The following CAMTA1 variants were observed in gnomAD, a reference collection of about 807,000 sequenced individuals.
CAMTA1 encodes calmodulin-binding transcription activator 1.
In CAMTA1, 27 loss-of-function variants were observed where a neutral mutation model predicts 170.9. The observed-to-expected ratio is 0.16, with a 90% CI of 0.12 to 0.22. The LOEUF is 0.22. Ranked by LOEUF, CAMTA1 falls within the 10% of genes least tolerant of loss-of-function variation. The pLI, the probability that CAMTA1 is intolerant of heterozygous loss-of-function variation, is 1.00. For synonymous variants in CAMTA1, 833 were observed against 891.5 expected, an observed-to-expected ratio of 0.93 and a Z score of 1.17; for missense variants, 1,619 against 2,217.2, an observed-to-expected ratio of 0.73 and a Z score of 5.42.
chr1:7,195,339 G>A lies in CAMTA1; in HGVS notation c.303-54152G>A, dbSNP rs1449225734. On this transcript the variant is annotated intron_variant, in intron 4 of 22. Coordinates refer to ENST00000303635, the MANE Select transcript of CAMTA1 (RefSeq NM_015215.4). This position sits in a 1 kb window ranked among gnomAD's most constrained non-coding sequence, Gnocchi z 4.1. Reference sequence around the variant, plus strand: ...GTGCGACTTCATGGCACAGATTTTCGGAGTCCAAGTGTTGCTATACACATT... The same window carrying A: ...GTGCGACTTCATGGCACAGATTTTCAGAGTCCAAGTGTTGCTATACACATT... Among the ~76,000 whole-genome samples the A allele has an allele frequency of 6.6e-6, 1 of 152,122 alleles. No homozygotes were observed. The highest frequency in any genetic ancestry group is 2.4e-5 in the African/African-American group (1 of 41,402).
intron 3 of CAMTA1, among the ~76,000 whole-genome samples, chr1:6,949,795 C>T (rs1039311598): frequency 5.9e-5 from 9 of 152,384 alleles, no homozygotes; most frequent in African/African-American, 2.2e-4. Flanking sequence ...AGCCACACAA[C>T]AAGTAAGTGC....
chr1:7,045,307 C>CTT (rs1558018069), intron 3 of CAMTA1, among the ~76,000 whole-genome samples: 1 of 152,220 alleles, frequency 6.6e-6, no homozygotes, highest in East Asian at 1.9e-4. Flanking sequence ...CCAACCTCTC[C>CTT]TGGAAGGGCA....
At chr1:7,148,667 T>C (rs1381456987) in intron 4 of CAMTA1, among the ~76,000 whole-genome samples, 2 of 152,302 alleles carry the variant, frequency 1.3e-5, no homozygotes, top group South Asian at 4.1e-4. Context: ...AGGAGCCCAG[T>C]GTGCCCTTCC....
intron 3 of CAMTA1, among the ~76,000 whole-genome samples, chr1:7,032,199 A>G (rs1039809089): frequency 3.9e-5 from 6 of 152,050 alleles, no homozygotes; most frequent in African/African-American, 1.4e-4. Flanking sequence ...TCCTGATCTC[A>G]AGAAATCCAC....
intron 3 of CAMTA1, among the ~76,000 whole-genome samples, chr1:6,854,911 A>G (rs1370206257): frequency 6.6e-6 from 1 of 152,238 alleles, no homozygotes; most frequent in Non-Finnish European, 1.5e-5. Context: ...CACCATGTTT[A>G]CTGGTGAAAT....
chr1:7,148,084 GCA>G (rs963268786), intron 4 of CAMTA1, among the ~76,000 whole-genome samples: 1 of 148,610 alleles, frequency 6.7e-6, no homozygotes, highest in African/African-American at 2.5e-5. Context: ...CATACACCAT[GCA>G]CACACTCAAA....
chr1:7,441,001 G>A (rs904672210), intron 5 of CAMTA1: 2 of 152,120 alleles, frequency 1.3e-5, no homozygotes, highest in African/African-American at 2.4e-5. Context: ...CTACAGGTGC[G>A]GGTTTTAAAC....
At chr1:7,731,300 G>T (rs1002661911) in intron 11 of CAMTA1, among the ~76,000 whole-genome samples, 1 of 152,068 alleles carries the variant, frequency 6.6e-6, no homozygotes. Flanking sequence ...GGGGCTGGGC[G>T]CAGTGGTTCA....
chr1:7,260,390 G>A (rs1414320661), intron 5 of CAMTA1, among the ~76,000 whole-genome samples: 2 of 152,208 alleles, frequency 1.3e-5, no homozygotes, highest in African/African-American at 4.8e-5. Flanking sequence ...TGTAGCATAG[G>A]CTTGTTTGTT....
chr1:7,029,609 TC>T (rs1336604906), intron 3 of CAMTA1, among the ~76,000 whole-genome samples: 7 of 152,016 alleles, frequency 4.6e-5, no homozygotes, highest in South Asian at 2.1e-4. Context: ...TCTCTCTCTC[TC>T]TCTCTTTTTT....
chr1:7,480,769 G>A (rs2093517856), intron 6 of CAMTA1, among the ~76,000 whole-genome samples: 1 of 152,046 alleles, frequency 6.6e-6, no homozygotes, highest in African/African-American at 2.4e-5. Flanking sequence ...ACTTTCTCCT[G>A]GGATCATCTC....
At chr1:7,574,614 C>T (rs923390561) in intron 6 of CAMTA1, among the ~76,000 whole-genome samples, 4 of 152,166 alleles carry the variant, frequency 2.6e-5, no homozygotes, top group Non-Finnish European at 4.4e-5. Flanking sequence ...CCAGAGAACA[C>T]GGGCTGTTTA....
At chr1:7,494,450 T>A (rs1396321142) in intron 6 of CAMTA1, among the ~76,000 whole-genome samples, 2 of 150,874 alleles carry the variant, frequency 1.3e-5, no homozygotes, top group African/African-American at 4.9e-5. Context: ...CTCCGGGGAG[T>A]TGAAACCATG....
At chr1:7,414,725 AT>A (rs2091038059) in intron 5 of CAMTA1, among the ~76,000 whole-genome samples, 2 of 151,878 alleles carry the variant, frequency 1.3e-5, no homozygotes, top group Admixed American at 6.6e-5. Context: ...GGATTCATTA[AT>A]TTTTTGAAGG....
chr1:6,974,969 C>A (rs1424582845), intron 3 of CAMTA1, among the ~76,000 whole-genome samples: 1 of 152,346 alleles, frequency 6.6e-6, no homozygotes, highest in East Asian at 1.9e-4. Context: ...TCACTTCTGA[C>A]GAGTTTACAA....
At chr1:6,996,623 A>C (rs1572313490) in intron 3 of CAMTA1, among the ~76,000 whole-genome samples, 1 of 151,998 alleles carries the variant, frequency 6.6e-6, no homozygotes, top group African/African-American at 2.4e-5. Context: ...TCAGTTTTCT[A>C]TCTGAGTATT....
At chr1:6,801,683 A>G (rs1043728581) in intron 1 of CAMTA1, among the ~76,000 whole-genome samples, 185 of 152,318 alleles carry the variant, frequency 1.2e-3, no homozygotes, top group African/African-American at 4.3e-3. Context: ...TTAAAAAAAT[A>G]AAAACTTCAA....
chr1:7,244,270 G>A (rs1293296240), intron 4 of CAMTA1, among the ~76,000 whole-genome samples: 9 of 152,204 alleles, frequency 5.9e-5, no homozygotes, highest in Non-Finnish European at 1.3e-4. Context: ...TGGAGAAATA[G>A]GAACACTTTT....
intron 3 of CAMTA1, among the ~76,000 whole-genome samples, chr1:7,062,819 A>G (rs965438263): frequency 1.3e-5 from 2 of 152,074 alleles, no homozygotes; most frequent in African/African-American, 4.8e-5. Flanking sequence ...CGCCCCTCCT[A>G]GCGTCTGCTA....
Sources: allele counts gnomAD v4.1 joint callset (sites outside exome capture counted in the v4.1 genomes callset), GRCh38; gene constraint gnomAD v4.1.1; non-coding constraint Gnocchi (gnomAD v3.1); transcripts MANE v1.5; gene names NCBI Gene and HGNC (gene_info 2026-07-23, HGNC 2026-07-21).